The following KHDRBS2 variants were observed in gnomAD, a reference collection of about 807,000 sequenced individuals.
The protein encoded by KHDRBS2 is KH domain-containing, RNA-binding, signal transduction-associated protein 2.
A neutral mutation model predicts 44.3 loss-of-function variants in KHDRBS2; 26 were observed. That is an observed-to-expected ratio of 0.59 (90% confidence interval 0.43 to 0.81). The LOEUF (loss-of-function observed/expected upper bound fraction) is 0.81. Among genes scored for constraint, KHDRBS2 ranks in the 40% least tolerant of loss-of-function variants. KHDRBS2 has a pLI of 0.00. For missense variants in KHDRBS2, 476 were observed against 433.1 expected (o/e 1.10, Z -0.88); for synonymous variants, 194 against 151.1 (o/e 1.28, Z -2.08).
chr6:62,048,129 C>CACACAT (rs1788136607), intron 2 of KHDRBS2, 135 bp from the exon 3 acceptor site: 1 of 583,166 alleles, frequency 1.7e-6, no homozygotes, highest in African/African-American at 1.9e-5. Context: ...CATACACACA[C>CACACAT]ACACACACAC....
intron 4 of KHDRBS2, among the ~76,000 whole-genome samples, chr6:61,948,566 T>G (rs1053238007): frequency 4.0e-5 from 6 of 151,870 alleles, no homozygotes; most frequent in Non-Finnish European, 8.8e-5. Flanking sequence ...ATTTCCTTTC[T>G]TATAAAATGA....
At chr6:61,836,730 T>C (rs1269608610) in intron 6 of KHDRBS2, among the ~76,000 whole-genome samples, 6 of 150,050 alleles carry the variant, frequency 4.0e-5, no homozygotes, top group Non-Finnish European at 1.5e-5. Context: ...ATGGCTGTAC[T>C]TAGTGTTACA....
At chr6:62,166,341 G>A (rs1281028546) in intron 2 of KHDRBS2, among the ~76,000 whole-genome samples, 1 of 151,982 alleles carries the variant, frequency 6.6e-6, no homozygotes, top group African/African-American at 2.4e-5. Context: ...ATTCACAAGT[G>A]AGGTTGTTCT....
chr6:61,673,406 G>C, the KHDRBS2 span, among the ~76,000 whole-genome samples: 1 of 151,726 alleles, frequency 6.6e-6, no homozygotes, highest in Non-Finnish European at 1.5e-5. Flanking sequence ...TCAACATAGT[G>C]TTGGAAGTTC....
At chr6:61,868,122 T>A (rs1413662513) in intron 6 of KHDRBS2, among the ~76,000 whole-genome samples, 1 of 151,166 alleles carries the variant, frequency 6.6e-6, no homozygotes, top group Non-Finnish European at 1.5e-5. Flanking sequence ...AAATTAGAAC[T>A]CTGTAGGAGG....
intron 2 of KHDRBS2, among the ~76,000 whole-genome samples, chr6:62,070,335 C>A (rs1219244848): frequency 6.7e-6 from 1 of 148,606 alleles, no homozygotes; most frequent in African/African-American, 2.5e-5. Flanking sequence ...GTGTTCACTT[C>A]TTTTTTTTTT....
intron 3 of KHDRBS2, among the ~76,000 whole-genome samples, chr6:62,006,751 TTAAA>T (rs2127264711): frequency 6.6e-6 from 1 of 151,590 alleles, no homozygotes; most frequent in East Asian, 1.9e-4. Flanking sequence ...TACAGAAAAA[TTAAA>T]TAGTAAATTT....
intron 8 of KHDRBS2, among the ~76,000 whole-genome samples, chr6:61,684,842 C>T (rs1337146149): frequency 1.3e-5 from 2 of 151,526 alleles, no homozygotes; most frequent in Non-Finnish European, 2.9e-5. Context: ...GATCCAATTG[C>T]CACCCTTTTT....
At chr6:61,608,910 T>A in the KHDRBS2 span, among the ~76,000 whole-genome samples, 2 of 152,344 alleles carry the variant, frequency 1.3e-5, no homozygotes, top group African/African-American at 4.8e-5. Context: ...TGTGTGTATG[T>A]GTCTTTATAG....
At chr6:62,170,676 A>G (rs1819807152) in intron 2 of KHDRBS2, among the ~76,000 whole-genome samples, 1 of 151,956 alleles carries the variant, frequency 6.6e-6, no homozygotes, top group African/African-American at 2.4e-5. Flanking sequence ...CACTGCCACC[A>G]CCCTGATGAA....
At chr6:61,738,081 G>A (rs543016792) in intron 6 of KHDRBS2, among the ~76,000 whole-genome samples, 13 of 151,866 alleles carry the variant, frequency 8.6e-5, no homozygotes, top group African/African-American at 2.9e-4. Context: ...TTCCGTTTTT[G>A]CTTCATTGTT....
intron 2 of KHDRBS2, among the ~76,000 whole-genome samples, chr6:62,093,981 T>A (rs1800028520): frequency 6.6e-6 from 1 of 151,796 alleles, no homozygotes; most frequent in African/African-American, 2.4e-5. Context: ...AGTGCTGCAA[T>A]AAACATGAGA....
At chr6:61,873,920 T>A (rs2343670) in intron 6 of KHDRBS2, among the ~76,000 whole-genome samples, 62,676 of 151,758 alleles carry the variant, frequency 0.41, 13,147 homozygotes, top group Admixed American at 0.49. Context: ...ATGGGGGATA[T>A]GATTAGACAA....
the KHDRBS2 span, among the ~76,000 whole-genome samples, chr6:61,602,718 C>T: frequency 4.9e-4 from 74 of 152,250 alleles, no homozygotes; most frequent in Non-Finnish European, 8.7e-4. Flanking sequence ...TTTCAAGGGC[C>T]TGTTTCCTTT....
chr6:61,737,337 C>T (rs554879453), intron 6 of KHDRBS2, among the ~76,000 whole-genome samples: 1 of 152,006 alleles, frequency 6.6e-6, no homozygotes, highest in Non-Finnish European at 1.5e-5. Context: ...GTAAAAGGGA[C>T]AGTAAATGGG....
chr6:61,672,076 A>G, the KHDRBS2 span, among the ~76,000 whole-genome samples: 1 of 141,650 alleles, frequency 7.1e-6, no homozygotes, highest in Admixed American at 7.3e-5. Context: ...ATTCCCACCT[A>G]TGAGTGAGAA....
At chr6:62,109,284 T>C (rs1804422934) in intron 2 of KHDRBS2, among the ~76,000 whole-genome samples, 1 of 152,026 alleles carries the variant, frequency 6.6e-6, no homozygotes, top group Non-Finnish European at 1.5e-5. Flanking sequence ...TTTGAAAATA[T>C]CCAATATCCA....
intron 1 of KHDRBS2, among the ~76,000 whole-genome samples, chr6:62,196,206 G>A (rs1196793046): frequency 1.3e-5 from 2 of 152,108 alleles, no homozygotes; most frequent in African/African-American, 4.8e-5. Context: ...TGGTGCAAAT[G>A]GAATCTCCTA....
chr6:61,947,778 T>C (rs1342752742), intron 4 of KHDRBS2, among the ~76,000 whole-genome samples: 1 of 151,956 alleles, frequency 6.6e-6, no homozygotes, highest in Non-Finnish European at 1.5e-5. Flanking sequence ...TACTGAGTCA[T>C]AATGTGAAAT....
Sources: gnomAD v4.1 joint callset for allele counts (sites outside exome capture counted in the v4.1 genomes callset) on GRCh38, gnomAD v4.1.1 for gene constraint, MANE v1.5 for transcripts, NCBI Gene and HGNC (gene_info 2026-07-23, HGNC 2026-07-21) for gene names.